Variants in ITGA3 observed in about 807,000 individuals in gnomAD.
The protein encoded by ITGA3 is integrin alpha-3.
Under a neutral mutation model 131.1 loss-of-function variants are expected in ITGA3, and 70 were observed. The ratio of observed to expected loss-of-function variants is 0.53; its 90% confidence interval spans 0.44 to 0.65. The LOEUF (loss-of-function observed/expected upper bound fraction) is 0.65, where lower values mean the gene tolerates loss of function less well. Among genes scored for constraint, ITGA3 ranks in the 30% least tolerant of loss-of-function variants. The pLI, the probability that ITGA3 is intolerant of heterozygous loss-of-function variation, is 0.00. For missense variants in ITGA3, 1,098 were observed against 1,388.6 expected, an observed-to-expected ratio of 0.79 and a Z score of 3.33; for synonymous variants, 537 against 571.6, an observed-to-expected ratio of 0.94 and a Z score of 0.86.
chr17:50,075,313 C>T (rs991587107), intron 10 of ITGA3, 146 bp from the exon 11 acceptor site: 8 of 753,504 alleles, frequency 1.1e-5, no homozygotes, highest in African/African-American at 3.4e-5. Context: ...AGGGACACCA[C>T]AGACCTGCTT....
At chr17:50,082,491 T>C (rs914612678) in intron 23 of ITGA3, among the ~76,000 whole-genome samples, 2 of 151,898 alleles carry the variant, frequency 1.3e-5, no homozygotes, top group African/African-American at 2.4e-5. Flanking sequence ...TTTTTATTTT[T>C]AGTAGACATG....
Position 50,071,453 on chromosome 17 carries a change from G to A in ITGA3, c.894G>A (p.Leu298=), listed in dbSNP as rs1908629237. 6.2e-7 allele frequency: 1 copy of A among 1,613,764 alleles called. No individual in the cohort carries two copies. Among genetic ancestry groups the A allele is most frequent in the African/African-American group, 1.3e-5 (1 of 75,068 alleles). Reference sequence around the variant, plus strand: ...GAGACCTGCGGAGGAGGCAGGTGCTGGAGGGCTCGCAGGTGGGCGCCTATT... The same window carrying A: ...GAGACCTGCGGAGGAGGCAGGTGCTAGAGGGCTCGCAGGTGGGCGCCTATT... ...AGGDLRRRQV[L]EGSQVGAYFG... is the part of the protein sequence containing the mutation. The change falls in exon 6 of 26, where the codon CTG becomes CTA. Residue 298 remains leucine (L), a synonymous_variant. Coordinates refer to ENST00000320031, the MANE Select transcript of ITGA3 (RefSeq NM_002204.4).
At chr17:50,068,511 G>GT (rs1167263358) in intron 4 of ITGA3, among the ~76,000 whole-genome samples, 2 of 152,012 alleles carry the variant, frequency 1.3e-5, no homozygotes, top group Non-Finnish European at 2.9e-5. Flanking sequence ...CTTTTTTGTT[G>GT]TTTTTTTGAC....
chr17:50,088,108 G>A, intron 24 of ITGA3, 117 bp from the exon 25 acceptor site: 1 of 1,373,790 alleles, frequency 7.3e-7, no homozygotes, highest in Non-Finnish European at 9.7e-7. Context: ...CCACCAAGCT[G>A]GGACTGAGCC....
intron 4 of ITGA3, among the ~76,000 whole-genome samples, chr17:50,069,008 C>T (rs543969399): frequency 4.6e-5 from 7 of 151,814 alleles, no homozygotes; most frequent in African/African-American, 1.2e-4. Context: ...CCACCATGCC[C>T]GGCTAATTTT....
chr17:50,077,570 G>A, intron 16 of ITGA3, 123 bp downstream of exon 16: 1 of 768,858 alleles, frequency 1.3e-6, no homozygotes, highest in South Asian at 1.6e-5. Context: ...GAGCCACAGT[G>A]CGGGAGGAGA....
In ITGA3 at chr17:50,079,101, T is replaced by C; in HGVS notation, c.2426T>C (p.Val809Ala). Residue 809 changes from valine to alanine, a missense_variant, in exon 20 of 26, where the codon GTG becomes GCG. Transcript: ENST00000320031. ...GTGGGCCCAATGGGGGAGGGGCTGG[T>C]GGGCCTGGGGACCCTGGTCCTAGGT... is the stretch of plus-strand genomic sequence containing the variant. ...FQVGPMGEGL[V>A]GLGTLVLGLE... 6.2e-7 allele frequency: 1 copy of C among 1,613,700 alleles called. No individual in the cohort carries two copies. The highest frequency in any genetic ancestry group is 8.5e-7 in the Non-Finnish European group (1 of 1,179,920).
rs183600550 is a variant in ITGA3, at chr17:50,075,581, C to T, written c.1538-18C>T. 135 of 1,614,232 alleles carry T rather than the reference C, an allele frequency of 8.4e-5. No individual in the cohort carries two copies. In the African/African-American group the frequency reaches 1.3e-3, roughly 16 times the overall value. ...TACGCTCCCCTGTCCCCTTGCTGAC[C>T]ACCCTGTCTACCTGTAGCCCTGGCC... is the stretch of plus-strand genomic sequence containing the variant. On this transcript the variant is annotated intron_variant, in intron 11 of 25. Transcript: ENST00000320031.
chr17:50,069,224 A>T (rs1273048803), intron 4 of ITGA3, among the ~76,000 whole-genome samples: 1 of 152,212 alleles, frequency 6.6e-6, no homozygotes, highest in Non-Finnish European at 1.5e-5. Flanking sequence ...AGACTTAGAG[A>T]AGTAAATTGC....
chr17:50,064,700 C>A lies in ITGA3; in HGVS notation c.414+93C>A, dbSNP rs1908249815. 3.8e-6 allele frequency: 4 copies of A among 1,049,088 alleles called. No individual in the cohort carries two copies. Among genetic ancestry groups the A allele is most frequent in the Non-Finnish European group, 5.6e-6 (4 of 708,518 alleles). The allele number at this position is 1,049,088 out of a possible 1,614,324, so 65.0% of individuals were successfully genotyped here. On this transcript the variant is annotated intron_variant, in intron 3 of 25. Coordinates refer to ENST00000320031, the MANE Select transcript of ITGA3 (RefSeq NM_002204.4). The surrounding 1 kb of genome is among the most constrained non-coding windows in gnomAD (Gnocchi z 4.4). ...GGAAAGAAGAGGGCAGCAGGGGGGT[C>A]CACGGCGCGTGTGTGCTGGGGCCTG...
At chr17:50,073,003 C>T (rs1908698366) in intron 7 of ITGA3, among the ~76,000 whole-genome samples, 1 of 152,118 alleles carries the variant, frequency 6.6e-6, no homozygotes, top group African/African-American at 2.4e-5. Context: ...GCAAAGGAGC[C>T]TCTGAAGACC....
intron 25 of ITGA3, 53 bp from the exon 26 acceptor site, chr17:50,089,057 G>A (rs1344645986): frequency 3.4e-6 from 5 of 1,490,200 alleles, no homozygotes; most frequent in South Asian, 2.3e-5. Flanking sequence ...ACTCCTTCCT[G>A]GTGGCTCAAA....
chr17:50,085,070 C>T (rs909598984), intron 23 of ITGA3, among the ~76,000 whole-genome samples: 3 of 150,488 alleles, frequency 2.0e-5, no homozygotes, highest in Admixed American at 6.7e-5. Context: ...GGGGTGGTGG[C>T]GGGCGCCTGT....
At position 50,087,818 on chromosome 17, in the gene ITGA3, C is replaced by T. The variant is rs745366876; in HGVS notation, c.2994C>T (p.Ala998=). The change falls in exon 24 of 26, where the codon GCC becomes GCT. Residue 998 remains alanine, a synonymous_variant. Coordinates refer to ENST00000320031, the MANE Select transcript of ITGA3 (RefSeq NM_002204.4). ...AEIELWLVLV[A]VGAGLLLLGL... is the part of the protein sequence containing the mutation. ...TCGAGCTGTGGCTGGTGCTGGTGGC[C>T]GTGGGTGCAGGGCTGCTGCTGCTGG... The T allele has an allele frequency of 2.1e-5, 34 of 1,611,810 alleles. No homozygotes were observed. Among genetic ancestry groups the T allele is most frequent in the African/African-American group, 2.0e-4 (15 of 74,940 alleles).
At chr17:50,061,449 GC>G (rs1390379563) in intron 1 of ITGA3, among the ~76,000 whole-genome samples, 1 of 152,108 alleles carries the variant, frequency 6.6e-6, no homozygotes, top group Non-Finnish European at 1.5e-5. Flanking sequence ...GGGCAGGGCA[GC>G]AGCAGCAACA....
chr17:50,084,212 C>G (rs557816080), intron 23 of ITGA3, among the ~76,000 whole-genome samples: 1 of 111,838 alleles, frequency 8.9e-6, no homozygotes, highest in African/African-American at 3.6e-5. Context: ...GCCTGGACGA[C>G]AGAGTGAGAC....
intron 1 of ITGA3, among the ~76,000 whole-genome samples, chr17:50,059,114 C>T (rs2144253403): frequency 6.6e-6 from 1 of 152,322 alleles, no homozygotes; most frequent in African/African-American, 2.4e-5. Flanking sequence ...TGGTCCACAA[C>T]ATAGGGGGCT....
At chr17:50,082,706 G>A (rs1213830501) in intron 23 of ITGA3, among the ~76,000 whole-genome samples, 3 of 152,142 alleles carry the variant, frequency 2.0e-5, no homozygotes, top group Admixed American at 2.0e-4. Flanking sequence ...CTACATGCTA[G>A]CAATAACCAA....
In ITGA3 at chr17:50,080,253, C is replaced by T. The variant is rs778087481; in HGVS notation, c.2707-9C>T. The T allele has an allele frequency of 4.6e-5, 71 of 1,552,690 alleles. No individual in the cohort carries two copies. Among genetic ancestry groups the T allele is most frequent in the Non-Finnish European group, 5.8e-5 (66 of 1,129,326 alleles). On this transcript the variant is annotated splice_polypyrimidine_tract_variant and intron_variant, in intron 21 of 25. Transcript: ENST00000320031. ...CTATGTCACGTCTTGCGTTCCCTGC[C>T]CGCCTCAGACCTGTGCCACAGGGCG...
Sources: allele counts gnomAD v4.1 joint callset (sites outside exome capture counted in the v4.1 genomes callset), GRCh38; gene constraint gnomAD v4.1.1; non-coding constraint Gnocchi (gnomAD v3.1); transcripts MANE v1.5; gene names NCBI Gene and HGNC (gene_info 2026-07-23, HGNC 2026-07-21).